The following ADAMTS6 variants were observed in gnomAD, a reference collection of about 807,000 sequenced individuals.
The protein encoded by ADAMTS6 is ADAM metallopeptidase with thrombospondin type 1 motif 6, also known as A disintegrin and metalloproteinase with thrombospondin motifs 6.
ADAMTS6 carries 23 observed loss-of-function variants against 144.3 expected under a neutral mutation model. The observed-to-expected ratio is 0.16, with a 90% CI of 0.11 to 0.23. The LOEUF (loss-of-function observed/expected upper bound fraction) is 0.23, where lower values mean the gene tolerates loss of function less well. Among genes scored for constraint, ADAMTS6 ranks in the 10% least tolerant of loss-of-function variants. ADAMTS6 has a pLI of 1.00. For synonymous variants in ADAMTS6, 444 were observed against 457.5 expected, an observed-to-expected ratio of 0.97 and a Z score of 0.38; for missense variants, 999 against 1,379.6, an observed-to-expected ratio of 0.72 and a Z score of 4.37.
At chr5:65,423,902 C>A (rs749022036) in intron 7 of ADAMTS6, among the ~76,000 whole-genome samples, 10 of 152,046 alleles carry the variant, frequency 6.6e-5, no homozygotes, top group Non-Finnish European at 1.5e-4. Flanking sequence ...AGAAGCAATA[C>A]CAAGAATAAA....
Position 65,156,812 on chromosome 5 carries a change from A to G in ADAMTS6, c.3245-4867T>C, listed in dbSNP as rs115494264. 3.7e-3 allele frequency among the ~76,000 whole-genome samples: 568 copies of G among 152,368 alleles called. 4 individuals are homozygous for G. Among genetic ancestry groups the G allele is most frequent in the Middle Eastern group, 3.4e-3 (1 of 294 alleles). The stretch of plus-strand genomic sequence containing the variant: ...TTCTCTTCGACTATCATCATGTACC[A>G]GCTAAGTACTCTCCTAGGAGAAGAA... On this transcript the variant is annotated intron_variant, in intron 24 of 24. Transcript: ENST00000381055.
chr5:65,398,523 G>A lies in ADAMTS6; in HGVS notation c.1073+52952C>T, dbSNP rs144013663. Among the ~76,000 whole-genome samples the A allele has an allele frequency of 6.3e-3, 953 of 152,106 alleles. 15 individuals are homozygous for A. Among genetic ancestry groups the A allele is most frequent in the African/African-American group, 0.022 (912 of 41,472 alleles). ...GCAGATCACTTGAGGTCAGGAGTTC[G>A]AGACCGGCCTGGCCAACATGGCAAA... is the stretch of plus-strand genomic sequence containing the variant. On this transcript the variant is annotated intron_variant, in intron 7 of 24. Coordinates refer to ENST00000381055, the MANE Select transcript of ADAMTS6 (RefSeq NM_197941.4).
At chr5:65,478,505 A>C (rs1760994505) in intron 1 of ADAMTS6, among the ~76,000 whole-genome samples, 2 of 152,234 alleles carry the variant, frequency 1.3e-5, no homozygotes, top group Admixed American at 1.3e-4. Flanking sequence ...TGTCTATCTC[A>C]CAAAGACTTG....
intron 18 of ADAMTS6, among the ~76,000 whole-genome samples, chr5:65,223,700 C>T (rs888524916): frequency 6.6e-6 from 1 of 152,074 alleles, no homozygotes; most frequent in African/African-American, 2.4e-5. Flanking sequence ...GTTTTTTAAT[C>T]CATTCATCTG....
At chr5:65,265,881 A>G (rs1183993591) in intron 12 of ADAMTS6, among the ~76,000 whole-genome samples, 1 of 151,966 alleles carries the variant, frequency 6.6e-6, no homozygotes, top group African/African-American at 2.4e-5. Context: ...TAAAAAAATT[A>G]GTGGTAAAAA....
intron 21 of ADAMTS6, among the ~76,000 whole-genome samples, chr5:65,193,162 A>C (rs1258151066): frequency 6.6e-6 from 1 of 151,922 alleles, no homozygotes; most frequent in Non-Finnish European, 1.5e-5. Flanking sequence ...AGTGGGGAAG[A>C]CCTTTCTAAA....
At chr5:65,405,924 C>A (rs1475772027) in intron 7 of ADAMTS6, among the ~76,000 whole-genome samples, 1 of 152,154 alleles carries the variant, frequency 6.6e-6, no homozygotes, top group Non-Finnish European at 1.5e-5. Flanking sequence ...AATGGGAGTT[C>A]ACTCATGATT....
At chr5:65,388,585 G>A (rs1312428212) in intron 7 of ADAMTS6, among the ~76,000 whole-genome samples, 1 of 152,174 alleles carries the variant, frequency 6.6e-6, no homozygotes, top group African/African-American at 2.4e-5. Context: ...TGCAAGATTA[G>A]ATCTGATAAT....
intron 7 of ADAMTS6, among the ~76,000 whole-genome samples, chr5:65,399,117 C>T (rs753913285): frequency 4.6e-5 from 7 of 151,742 alleles, no homozygotes; most frequent in South Asian, 2.1e-4. Flanking sequence ...ATTAGCTGGG[C>T]GCGGTGGTGG....
At chr5:65,421,193 C>A (rs1756010680) in intron 7 of ADAMTS6, among the ~76,000 whole-genome samples, 1 of 152,176 alleles carries the variant, frequency 6.6e-6, no homozygotes, top group Non-Finnish European at 1.5e-5. Context: ...AGGTTCCATT[C>A]TCTTGCATAT....
intron 7 of ADAMTS6, among the ~76,000 whole-genome samples, chr5:65,395,886 G>A (rs542818704): frequency 1.3e-5 from 2 of 152,052 alleles, no homozygotes; most frequent in Non-Finnish European, 2.9e-5. Flanking sequence ...CAATCATAAC[G>A]GTGTAACAGG....
At chr5:65,372,974 CA>C (rs1454733423) in intron 7 of ADAMTS6, among the ~76,000 whole-genome samples, 1 of 152,216 alleles carries the variant, frequency 6.6e-6, no homozygotes, top group Non-Finnish European at 1.5e-5. Flanking sequence ...CACTCAACTA[CA>C]TGGAAACTGA....
intron 7 of ADAMTS6, among the ~76,000 whole-genome samples, chr5:65,347,552 A>G (rs1561450204): frequency 6.6e-6 from 1 of 151,918 alleles, no homozygotes; most frequent in Non-Finnish European, 1.5e-5. Context: ...AGACTACTAG[A>G]AAAAAAACAT....
intron 15 of ADAMTS6, among the ~76,000 whole-genome samples, chr5:65,228,070 C>T (rs1757856543): frequency 6.6e-6 from 1 of 152,038 alleles, no homozygotes; most frequent in African/African-American, 2.4e-5. Flanking sequence ...ATAATTTCTT[C>T]CCAAACTGAT....
At chr5:65,305,562 A>G (rs1426137052) in intron 9 of ADAMTS6, among the ~76,000 whole-genome samples, 1 of 130,472 alleles carries the variant, frequency 7.7e-6, no homozygotes, top group Non-Finnish European at 1.6e-5. Flanking sequence ...ATTTAAAAAA[A>G]GAAGAACAAA....
chr5:65,171,244 C>T (rs1048843595), intron 23 of ADAMTS6, among the ~76,000 whole-genome samples: 4 of 152,136 alleles, frequency 2.6e-5, no homozygotes, highest in Admixed American at 6.6e-5. Flanking sequence ...CTCCTGACCT[C>T]GTGATCTGCC....
At chr5:65,188,661 C>A (rs1754818227) in intron 21 of ADAMTS6, among the ~76,000 whole-genome samples, 1 of 151,888 alleles carries the variant, frequency 6.6e-6, no homozygotes. Flanking sequence ...AGTGTAAAAA[C>A]CTCACTATGG....
chr5:65,456,793 C>CT (rs1290961075), intron 4 of ADAMTS6, among the ~76,000 whole-genome samples: 1 of 152,078 alleles, frequency 6.6e-6, no homozygotes, highest in Non-Finnish European at 1.5e-5. Flanking sequence ...TCAGTTTCTT[C>CT]TTTTCCTTTT....
chr5:65,326,312 G>A (rs942089341), intron 9 of ADAMTS6, among the ~76,000 whole-genome samples: 3 of 152,056 alleles, frequency 2.0e-5, no homozygotes, highest in Non-Finnish European at 4.4e-5. Flanking sequence ...GTTTCATTAA[G>A]TGCCTTTGGC....
Sources: gnomAD v4.1 joint callset for allele counts (sites outside exome capture counted in the v4.1 genomes callset) on GRCh38, gnomAD v4.1.1 for gene constraint, MANE v1.5 for transcripts, NCBI Gene and HGNC (gene_info 2026-07-23, HGNC 2026-07-21) for gene names.